PTPRK: variants seen among roughly 807,000 people sequenced by gnomAD.
PTPRK encodes the protein receptor-type tyrosine-protein phosphatase kappa.
A neutral mutation model predicts 178.0 loss-of-function variants in PTPRK; 75 were observed. That is an observed-to-expected ratio of 0.42 (90% CI 0.35 to 0.51). The LOEUF is 0.51. Ranked by LOEUF, PTPRK falls within the 20% of genes least tolerant of loss-of-function variation. PTPRK has a pLI of 0.02. For synonymous variants in PTPRK, 637 were observed against 620.6 expected (o/e 1.03, Z -0.39); for missense variants, 1,441 against 1,797.8 (o/e 0.80, Z 3.59).
intron 13 of PTPRK, among the ~76,000 whole-genome samples, chr6:128,039,952 T>C (rs1453971386): frequency 2.1e-4 from 32 of 152,124 alleles, no homozygotes; most frequent in Admixed American, 2.1e-3. Flanking sequence ...CAAAGACATA[T>C]TCAAGGGATG....
In PTPRK at chr6:128,149,799, G is replaced by T. The variant is rs544568079; in HGVS notation, c.1162+34633C>A. On this transcript the variant is annotated intron_variant, in intron 7 of 29. Transcript: ENST00000368226. ...TCTCATCACTCCTCTCTTCCTCCTTGTTCCTGCCAAACTAAATCAGCATTG... is the reference window on the plus strand; with the variant it reads ...TCTCATCACTCCTCTCTTCCTCCTTTTTCCTGCCAAACTAAATCAGCATTG... 1.4e-4 allele frequency among the ~76,000 whole-genome samples: 21 copies of T among 152,200 alleles called. No homozygotes were observed. In the South Asian group the frequency reaches 4.1e-3, roughly 30 times the overall value.
rs1054449158 is a variant in PTPRK at position 128,388,505 on chromosome 6, AG to A, written c.223+9060del. Among the ~76,000 whole-genome samples the A allele has an allele frequency of 2.0e-4, 30 of 152,292 alleles. 1 individual carries two copies. Among genetic ancestry groups the A allele is most frequent in the African/African-American group, 7.2e-4 (30 of 41,554 alleles). On this transcript the variant is annotated intron_variant, in intron 2 of 29. Coordinates refer to ENST00000368226, the MANE Select transcript of PTPRK (RefSeq NM_002844.4). ...TGCTTCCCATTACTTGCACTGGAAA[AG>A]GCATAAGAGATACAACTTCTGCCAC... is the stretch of plus-strand genomic sequence containing the variant.
intron 3 of PTPRK, among the ~76,000 whole-genome samples, chr6:128,265,878 G>A (rs1299769989): frequency 6.6e-6 from 1 of 152,092 alleles, no homozygotes; most frequent in African/African-American, 2.4e-5. Flanking sequence ...TGAGGTTTCT[G>A]GGAGGTGATC....
chr6:128,207,591 A>G (rs1160790648), intron 6 of PTPRK, among the ~76,000 whole-genome samples: 1 of 152,200 alleles, frequency 6.6e-6, no homozygotes, highest in Non-Finnish European at 1.5e-5. Context: ...CAAAAAGAAA[A>G]GATAGCCTGT....
At chr6:128,429,151 TTATG>T (rs2128392534) in intron 1 of PTPRK, among the ~76,000 whole-genome samples, 2 of 152,320 alleles carry the variant, frequency 1.3e-5, no homozygotes, top group African/African-American at 4.8e-5. Flanking sequence ...GTCACTTAGC[TTATG>T]TGTGTGTCAA....
chr6:128,318,691 A>G (rs924168213), intron 3 of PTPRK, among the ~76,000 whole-genome samples: 2 of 152,230 alleles, frequency 1.3e-5, no homozygotes, highest in Admixed American at 1.3e-4. Flanking sequence ...CTCACTGTTC[A>G]GTAAGAAGGT....
chr6:128,437,465 G>A (rs1311766062), intron 1 of PTPRK, among the ~76,000 whole-genome samples: 1 of 152,030 alleles, frequency 6.6e-6, no homozygotes, highest in Non-Finnish European at 1.5e-5. Flanking sequence ...TCTGCCACTC[G>A]CCCTGAATTC....
intron 7 of PTPRK, among the ~76,000 whole-genome samples, chr6:128,164,667 G>A (rs1466893862): frequency 1.3e-5 from 2 of 151,136 alleles, no homozygotes; most frequent in African/African-American, 4.8e-5. Context: ...CTGGTTTGCT[G>A]AAGTGCATAT....
At chr6:128,030,462 T>G (rs1775121264) in intron 13 of PTPRK, among the ~76,000 whole-genome samples, 1 of 152,260 alleles carries the variant, frequency 6.6e-6, no homozygotes, top group Non-Finnish European at 1.5e-5. Context: ...CATATTTATC[T>G]GTACATCCTG....
At chr6:128,465,553 C>T (rs545378714) in intron 1 of PTPRK, among the ~76,000 whole-genome samples, 11 of 152,228 alleles carry the variant, frequency 7.2e-5, no homozygotes, top group Admixed American at 2.6e-4. Flanking sequence ...TGTTTCCAAG[C>T]ACTAGTTCAC....
chr6:128,470,847 G>GA (rs1179582829), intron 1 of PTPRK, among the ~76,000 whole-genome samples: 10 of 136,454 alleles, frequency 7.3e-5, no homozygotes, highest in Middle Eastern at 7.9e-3. Context: ...AAAAAGAAAG[G>GA]AAAAAAAAGA....
intron 6 of PTPRK, among the ~76,000 whole-genome samples, chr6:128,189,367 A>G (rs967365764): frequency 2.7e-5 from 4 of 149,260 alleles, no homozygotes; most frequent in Non-Finnish European, 5.9e-5. Context: ...AGCCTCCCAA[A>G]TAGCCGGGAC....
At chr6:128,038,893 T>G (rs1435289507) in intron 13 of PTPRK, among the ~76,000 whole-genome samples, 2 of 152,204 alleles carry the variant, frequency 1.3e-5, no homozygotes, top group East Asian at 3.8e-4. Flanking sequence ...CTGAATCATG[T>G]TATGATGAAA....
At chr6:128,303,865 T>C (rs1263985857) in intron 3 of PTPRK, among the ~76,000 whole-genome samples, 1 of 152,202 alleles carries the variant, frequency 6.6e-6, no homozygotes, top group Non-Finnish European at 1.5e-5. Context: ...GCTGATTATT[T>C]CAATTACAAC....
intron 3 of PTPRK, among the ~76,000 whole-genome samples, chr6:128,258,416 A>C (rs759952567): frequency 6.6e-6 from 1 of 152,196 alleles, no homozygotes; most frequent in African/African-American, 2.4e-5. Context: ...TGAAGTGCTC[A>C]TGCTAACACT....
At position 128,397,490 on chromosome 6, in the gene PTPRK, G is replaced by T. The variant is rs1840468930; in HGVS notation, c.223+76C>A. 3 of 1,537,486 alleles carry T rather than the reference G, an allele frequency of 2.0e-6. No homozygotes were observed. In the Admixed American group the frequency reaches 5.2e-5, roughly 27 times the overall value. ...TTATTATAACCATTAAATTATTGTTGTTACACTTTAAATAAGAAAATCATA... is the reference window on the plus strand; with the variant it reads ...TTATTATAACCATTAAATTATTGTTTTTACACTTTAAATAAGAAAATCATA... On this transcript the variant is annotated intron_variant, in intron 2 of 29. Coordinates refer to ENST00000368226, the MANE Select transcript of PTPRK (RefSeq NM_002844.4).
chr6:128,354,181 A>T (rs769531348), intron 2 of PTPRK, among the ~76,000 whole-genome samples: 1 of 148,228 alleles, frequency 6.7e-6, no homozygotes, highest in Non-Finnish European at 1.5e-5. Context: ...CTAAGTTGGG[A>T]TAAGCCTCTA....
At chr6:128,294,169 G>C (rs904240923) in intron 3 of PTPRK, among the ~76,000 whole-genome samples, 1 of 152,012 alleles carries the variant, frequency 6.6e-6, no homozygotes, top group South Asian at 2.1e-4. Context: ...GTTTATTTTA[G>C]TAAATTTGAT....
intron 6 of PTPRK, among the ~76,000 whole-genome samples, chr6:128,188,660 T>C (rs1391606796): frequency 6.6e-6 from 1 of 152,114 alleles, no homozygotes; most frequent in East Asian, 1.9e-4. Context: ...CAACAGAGAT[T>C]CTCTCCAAGT....
Sources: allele counts gnomAD v4.1 joint callset (sites outside exome capture counted in the v4.1 genomes callset), GRCh38; gene constraint gnomAD v4.1.1; transcripts MANE v1.5; gene names NCBI Gene and HGNC (gene_info 2026-07-23, HGNC 2026-07-21).